TMEM242: variants seen among roughly 807,000 people sequenced by gnomAD.
TMEM242 encodes the protein UPF0463 transmembrane protein C6orf35.
Under a neutral mutation model 18.2 loss-of-function variants are expected in TMEM242, and 10 were observed. The observed-to-expected ratio is 0.55, with a 90% CI of 0.34 to 0.93. The LOEUF is 0.93. TMEM242 is among the 40% of genes least tolerant of loss of function. The pLI is 0.02. For missense variants in TMEM242, 186 were observed against 175.5 expected (o/e 1.06, Z -0.34); for synonymous variants, 57 against 69.9 (o/e 0.81, Z 0.92).
rs1428902252 is a variant in TMEM242 at position 157,307,339 on chromosome 6, C to T, written c.327+11443G>A. ...TGTGTCAAGCCTCAGAACAAAAAAG[C>T]TTTTATGGCAGAGCTGATTTGTCCC... On this transcript the variant is annotated intron_variant, in intron 3 of 3. Coordinates refer to ENST00000400788, the MANE Select transcript of TMEM242 (RefSeq NM_018452.6). 2.0e-5 allele frequency among the ~76,000 whole-genome samples: 3 copies of T among 152,240 alleles called. No homozygotes were observed. In the East Asian group the frequency reaches 5.8e-4, roughly 29 times the overall value.
chr6:157,293,384 A>AAACAAACC (rs1435915829), intron 3 of TMEM242, among the ~76,000 whole-genome samples: 8 of 151,422 alleles, frequency 5.3e-5, no homozygotes, highest in African/African-American at 1.2e-4. Context: ...ACAAACAAAC[A>AAACAAACC]AACCACTCTT....
intron 3 of TMEM242, among the ~76,000 whole-genome samples, chr6:157,294,504 C>T (rs782541493): frequency 2.1e-4 from 32 of 151,508 alleles, no homozygotes; most frequent in Non-Finnish European, 3.7e-4. Context: ...GCGCCCGCCA[C>T]TACGCCCGGC....
chr6:157,296,123 T>C (rs1479561856), intron 3 of TMEM242, among the ~76,000 whole-genome samples: 3 of 152,192 alleles, frequency 2.0e-5, no homozygotes, highest in African/African-American at 7.2e-5. Context: ...TAAGCAAATT[T>C]GGTTATAAAG....
At chr6:157,313,151 C>T (rs868975944) in intron 3 of TMEM242, among the ~76,000 whole-genome samples, 9 of 132,406 alleles carry the variant, frequency 6.8e-5, no homozygotes, top group African/African-American at 5.6e-5. Context: ...AGTGTGCGCT[C>T]ACCTGGCCTC....
intron 3 of TMEM242, chr6:157,299,331 A>T (rs1554247357): frequency 1.1e-6 from 1 of 927,260 alleles, no homozygotes; most frequent in African/African-American, 1.6e-5. Context: ...ACATTTTTCC[A>T]TTGTTCAGGA....
chr6:157,310,168 T>A (rs1285929725), intron 3 of TMEM242, among the ~76,000 whole-genome samples: 1 of 152,228 alleles, frequency 6.6e-6, no homozygotes, highest in Admixed American at 6.5e-5. Context: ...ACACGTACTA[T>A]AAATAATAAA....
chr6:157,322,949 G>A lies in TMEM242; in HGVS notation c.89-144C>T, dbSNP rs1778518986. ...AAATTCAAGAAACCATGGCTAAGCAGCTCTTGCTAACAGTAAATGACAGCG... is the reference window on the plus strand; with the variant it reads ...AAATTCAAGAAACCATGGCTAAGCAACTCTTGCTAACAGTAAATGACAGCG... On this transcript the variant is annotated intron_variant, in intron 1 of 3. Transcript: ENST00000400788. The A allele has an allele frequency of 7.1e-6, 5 of 703,586 alleles. No homozygotes were observed. The South Asian group carries it at 8.0e-5, about 11-fold the overall frequency. 43.6% of individuals were successfully genotyped at this position (703,586 alleles called of 1,614,324 possible). A position where few individuals can be genotyped will look rare whatever the true frequency, so the allele number is the denominator to read the frequency against.
chr6:157,312,203 C>A (rs201819526), intron 3 of TMEM242, among the ~76,000 whole-genome samples: 4 of 148,218 alleles, frequency 2.7e-5, no homozygotes, highest in Admixed American at 2.7e-4. Context: ...CCAGTGTGCA[C>A]TGAGCTAGCG....
intron 3 of TMEM242, chr6:157,298,904 G>A (rs1290804387): frequency 1.2e-5 from 2 of 164,212 alleles, no homozygotes; most frequent in Non-Finnish European, 2.8e-5. Context: ...AAAAGAGCTG[G>A]AGGACTAAAT....
At chr6:157,322,666 A>T (rs1220403743) in intron 2 of TMEM242, 39 bp downstream of exon 2, 1 of 1,552,214 alleles carries the variant, frequency 6.4e-7, no homozygotes. Flanking sequence ...TATATTGTAA[A>T]CAATAACAAT....
intron 3 of TMEM242, among the ~76,000 whole-genome samples, chr6:157,300,485 C>T (rs1259537050): frequency 1.3e-5 from 2 of 152,254 alleles, no homozygotes; most frequent in South Asian, 2.1e-4. Context: ...CTATTAACTA[C>T]GGATGAAAAT....
chr6:157,299,815 A>C, intron 3 of TMEM242: 1 of 1,609,346 alleles, frequency 6.2e-7, no homozygotes, highest in Admixed American at 1.7e-5. Flanking sequence ...TGCCATGTTG[A>C]AGATCCATTG....
At chr6:157,312,577 CGGCCTCATCATAGTGCCGCAGTGTGCA>C (rs1778200453) in intron 3 of TMEM242, among the ~76,000 whole-genome samples, 4 of 30,586 alleles carry the variant, frequency 1.3e-4, no homozygotes, top group Non-Finnish European at 3.0e-4. Flanking sequence ...TACGCTCACC[CGGCCTCATCATAGTGCCGCAGTGTGCA>C]CTCACCTAGC....
At position 157,292,889 on chromosome 6, in the gene TMEM242, T is replaced by A. The variant is rs755415252; in HGVS notation, c.*12A>T. The A allele has an allele frequency of 1.1e-4, 180 of 1,600,156 alleles. 1 individual carries two copies. The highest frequency in any genetic ancestry group is 1.4e-4 in the Non-Finnish European group (166 of 1,167,832). ...TCTGTAACAAGCATTTTGAAATTCATCCATGCTCATCTCATTTGGATTTCA... is the reference window on the plus strand; with the variant it reads ...TCTGTAACAAGCATTTTGAAATTCAACCATGCTCATCTCATTTGGATTTCA... On this transcript the variant is annotated 3_prime_UTR_variant, in exon 4 of 4. Transcript: ENST00000400788.
chr6:157,300,055 CAG>C lies in TMEM242; in HGVS notation c.328-7058_328-7057del, dbSNP rs782344963. 203 of 804,914 alleles carry C rather than the reference CAG, an allele frequency of 2.5e-4. 1 individual carries two copies. The highest frequency in any genetic ancestry group is 3.6e-4 in the Non-Finnish European group (169 of 466,534). The allele number at this position is 804,914 out of a possible 1,614,324, so 49.9% of individuals were successfully genotyped here. On this transcript the variant is annotated intron_variant, in intron 3 of 3. Transcript: ENST00000400788. ...GCATGCGCGCTGCCTGACTGGGACA[CAG>C]GGACAGGAAATTCGCTCCTGCCGAG...
At position 157,318,812 on chromosome 6, in the gene TMEM242, G is replaced by A. The variant is rs368825093; in HGVS notation, c.297C>T (p.Phe99=). The change falls in exon 3 of 4, where the codon TTC becomes TTT. Residue 99 remains phenylalanine, a synonymous_variant. Transcript: ENST00000400788. ...GAACTCCTAAAGCTTTCCAGACTGC[G>A]AAGCTAATCACACCAACCCCACACC... ...YAWCGVGVIS[F]AVWKALGVHS... 88 of 1,613,904 alleles carry A rather than the reference G, an allele frequency of 5.5e-5. No individual in the cohort carries two copies. In the Admixed American group the frequency reaches 7.5e-4, roughly 14 times the overall value.
intron 3 of TMEM242, chr6:157,318,115 ATAAT>A (rs1340985395): frequency 6.6e-5 from 10 of 152,260 alleles, no homozygotes. Context: ...AGTAATTTAA[ATAAT>A]TAATTTTAAA....
At position 157,291,294 on chromosome 6, in the gene TMEM242, C is replaced by CA. The variant is rs1327849318; in HGVS notation, c.*1606dup. 6.6e-6 allele frequency: 1 copy of CA among 152,188 alleles called. No homozygotes were observed. Among genetic ancestry groups the CA allele is most frequent in the East Asian group, 1.9e-4 (1 of 5,204 alleles). The allele number at this position is 152,188 out of a possible 1,614,324, so 9.4% of individuals were successfully genotyped here. On this transcript the variant is annotated 3_prime_UTR_variant, in exon 4 of 4. Transcript: ENST00000400788. ...GCTGTAAACAGTTTTAGGTAGTGCC[C>CA]ATTCTTTTTCCCCCCACATCAAACG...
chr6:157,319,066 A>G (rs1486131675), intron 2 of TMEM242, 147 bp from the exon 3 acceptor site: 1 of 765,706 alleles, frequency 1.3e-6, no homozygotes, highest in East Asian at 3.2e-5. Flanking sequence ...TTTGCTACTT[A>G]ATAATTGCAT....
Sources: gnomAD v4.1 joint callset for allele counts (sites outside exome capture counted in the v4.1 genomes callset) on GRCh38, gnomAD v4.1.1 for gene constraint, MANE v1.5 for transcripts, NCBI Gene and HGNC (gene_info 2026-07-23, HGNC 2026-07-21) for gene names.